OPHN1: variants seen among roughly 807,000 people sequenced by gnomAD.
The protein encoded by OPHN1 is oligophrenin-1.
Under a neutral mutation model 60.7 loss-of-function variants are expected in OPHN1, and 11 were observed. The observed-to-expected ratio is 0.18, with a 90% confidence interval of 0.11 to 0.30. OPHN1 has a LOEUF of 0.30. OPHN1 is among the 10% of genes least tolerant of loss of function. The pLI, the probability that OPHN1 is intolerant of heterozygous loss-of-function variation, is 1.00. For synonymous variants in OPHN1, 226 were observed against 222.6 expected, an observed-to-expected ratio of 1.02 and a Z score of -0.14; for missense variants, 449 against 611.0, an observed-to-expected ratio of 0.73 and a Z score of 2.80.
chrX:68,150,881 T>G (rs2077282819), intron 15 of OPHN1, among the ~76,000 whole-genome samples: 1 of 112,167 alleles, frequency 8.9e-6, no homozygotes, highest in Admixed American at 9.5e-5. Context: ...CTATGTCCAT[T>G]ATTATTATAA....
intron 15 of OPHN1, among the ~76,000 whole-genome samples, chrX:68,181,786 C>T (rs2077438177): frequency 2.7e-5 from 3 of 111,631 alleles, no homozygotes; most frequent in African/African-American, 9.8e-5. Flanking sequence ...TAAGATTGCG[C>T]CACTGCACTC....
intron 2 of OPHN1, among the ~76,000 whole-genome samples, chrX:68,419,742 T>A (rs765618180): frequency 1.8e-5 from 2 of 110,661 alleles, no homozygotes; most frequent in African/African-American, 6.6e-5. Flanking sequence ...GATTTCACCA[T>A]GTTGGCCAGG....
At chrX:68,174,223 TC>T (rs1706207429) in intron 15 of OPHN1, among the ~76,000 whole-genome samples, 1 of 111,001 alleles carries the variant, frequency 9.0e-6, no homozygotes, top group Non-Finnish European at 1.9e-5. Context: ...CTGAAAAAGA[TC>T]AACACAAAGC....
chrX:68,357,289 A>G (rs1285906830), intron 2 of OPHN1, among the ~76,000 whole-genome samples: 1 of 111,528 alleles, frequency 9.0e-6, no homozygotes, highest in Non-Finnish European at 1.9e-5. Context: ...TCTAGGGTAC[A>G]TGTGCACAAC....
intron 15 of OPHN1, among the ~76,000 whole-genome samples, chrX:68,147,787 G>A (rs1235411637): frequency 9.0e-6 from 1 of 111,689 alleles, no homozygotes; most frequent in Non-Finnish European, 1.9e-5. Flanking sequence ...TCAATGCGTG[G>A]ATAGTCAATG....
At position 68,098,682 on chromosome X, in the gene OPHN1, ATCTTTAT is replaced by A. The variant is rs751837032; in HGVS notation, c.1527-1660_1527-1654del. On this transcript the variant is annotated intron_variant, in intron 18 of 24. Coordinates refer to ENST00000355520, the MANE Select transcript of OPHN1 (RefSeq NM_002547.3). ...AACAGTTTCAATACCCCTGCAATTAATCTTTATTCTTTAGTGACGGAAGTTTTTTTCA... is the reference window on the plus strand; with the variant it reads ...AACAGTTTCAATACCCCTGCAATTAATCTTTAGTGACGGAAGTTTTTTTCA... Among the ~76,000 whole-genome samples the A allele has an allele frequency of 2.3e-3, 260 of 111,842 alleles. 2 individuals are homozygous for A. Among genetic ancestry groups the A allele is most frequent in the African/African-American group, 8.0e-3 (246 of 30,785 alleles).
At chrX:68,226,841 G>A (rs890259837) in intron 6 of OPHN1, among the ~76,000 whole-genome samples, 2 of 111,487 alleles carry the variant, frequency 1.8e-5, no homozygotes, top group Non-Finnish European at 3.8e-5. Flanking sequence ...AAAATAACCA[G>A]CGAACATCAT....
chrX:68,075,780 A>G (rs1160633992), intron 19 of OPHN1, among the ~76,000 whole-genome samples: 3 of 11,819 alleles, frequency 2.5e-4, no homozygotes, highest in African/African-American at 3.5e-4. Flanking sequence ...ATACATAGGC[A>G]AAAAAAAAAA....
At chrX:68,269,957 A>G (rs1320999074) in intron 5 of OPHN1, among the ~76,000 whole-genome samples, 1 of 112,309 alleles carries the variant, frequency 8.9e-6, no homozygotes, top group Non-Finnish European at 1.9e-5. Flanking sequence ...TCAAAAGAAG[A>G]CATTTATGCA....
chrX:68,216,989 G>A (rs2077613047), intron 6 of OPHN1, among the ~76,000 whole-genome samples: 1 of 112,080 alleles, frequency 8.9e-6, no homozygotes, highest in South Asian at 3.7e-4. Context: ...CAGAAGACGG[G>A]TGACTTCTGC....
chrX:68,060,461 G>C (rs1352321737), intron 21 of OPHN1, among the ~76,000 whole-genome samples: 2 of 111,230 alleles, frequency 1.8e-5, no homozygotes, highest in African/African-American at 6.5e-5. Flanking sequence ...ATGATTAGAC[G>C]CAACAGAAGA....
intron 2 of OPHN1, among the ~76,000 whole-genome samples, chrX:68,312,223 C>T (rs1259836395): frequency 9.8e-6 from 1 of 101,917 alleles, no homozygotes; most frequent in Non-Finnish European, 2.0e-5. Context: ...GTAGCTGGGA[C>T]TACTGGCATG....
At chrX:68,308,756 T>G (rs2078158785) in intron 2 of OPHN1, among the ~76,000 whole-genome samples, 1 of 111,088 alleles carries the variant, frequency 9.0e-6, no homozygotes, top group African/African-American at 3.3e-5. Flanking sequence ...GAAGTGAAAC[T>G]AGACTAGGAC....
intron 5 of OPHN1, among the ~76,000 whole-genome samples, chrX:68,255,223 T>C (rs68188944): frequency 0.21 from 23,428 of 109,024 alleles, 2,379 homozygotes; most frequent in African/African-American, 0.39. Context: ...CCCATACATA[T>C]ATATGATACA....
intron 24 of OPHN1, among the ~76,000 whole-genome samples, chrX:68,047,794 T>C (rs1290059048): frequency 8.9e-6 from 1 of 112,279 alleles, no homozygotes; most frequent in African/African-American, 3.2e-5. Flanking sequence ...CCTTTATTTG[T>C]TGAGTTAGAA....
At chrX:68,350,387 CTTTCT>C (rs1245562833) in intron 2 of OPHN1, among the ~76,000 whole-genome samples, 3 of 108,494 alleles carry the variant, frequency 2.8e-5, no homozygotes, top group Admixed American at 1.0e-4. Flanking sequence ...CTTGCTTTTT[CTTTCT>C]TTTCTTTCTT....
chrX:68,105,564 A>C (rs2147418837), intron 18 of OPHN1, among the ~76,000 whole-genome samples: 1 of 103,233 alleles, frequency 9.7e-6, no homozygotes, highest in Non-Finnish European at 1.9e-5. Flanking sequence ...GGAACAGAAA[A>C]CCAAACACCA....
intron 2 of OPHN1, among the ~76,000 whole-genome samples, chrX:68,367,185 T>C (rs7062669): frequency 0.03 from 3,255 of 109,227 alleles, 129 homozygotes; most frequent in African/African-American, 0.1. Flanking sequence ...ACCATGTCTC[T>C]ACTAAAAATA....
At chrX:68,333,638 A>T (rs2078306539) in intron 2 of OPHN1, among the ~76,000 whole-genome samples, 1 of 109,856 alleles carries the variant, frequency 9.1e-6, no homozygotes, top group South Asian at 3.9e-4. Context: ...TCCGTCTCAA[A>T]ATAAATAAAT....
Sources: allele counts gnomAD v4.1 joint callset (sites outside exome capture counted in the v4.1 genomes callset), GRCh38; gene constraint gnomAD v4.1.1; transcripts MANE v1.5; gene names NCBI Gene and HGNC (gene_info 2026-07-23, HGNC 2026-07-21).